The following BCL11B variants were observed in gnomAD, a reference collection of about 807,000 sequenced individuals.
BCL11B encodes the protein BCL11 transcription factor B.
A neutral mutation model predicts 49.9 loss-of-function variants in BCL11B; 8 were observed. The observed-to-expected ratio is 0.16, with a 90% CI of 0.09 to 0.29. The LOEUF is 0.29. Among genes scored for constraint, BCL11B ranks in the 10% least tolerant of loss-of-function variants. BCL11B has a pLI of 1.00. For synonymous variants in BCL11B, 739 were observed against 637.4 expected (o/e 1.16, Z -2.40); for missense variants, 1,006 against 1,351.0 (o/e 0.74, Z 4.00).
intron 2 of BCL11B, among the ~76,000 whole-genome samples, chr14:99,244,843 G>C (rs1490287902): frequency 6.6e-6 from 1 of 152,164 alleles, no homozygotes; most frequent in Non-Finnish European, 1.5e-5. Flanking sequence ...TGAGAGCCCA[G>C]CAAGTGTAAC....
In BCL11B at chr14:99,172,132, T is replaced by C; in HGVS notation, c.*2019A>G. On this transcript the variant is annotated 3_prime_UTR_variant, in exon 4 of 4. Transcript: ENST00000357195. The stretch of plus-strand genomic sequence containing the variant: ...CTGTAAACGTATTTTTAAGACAGAG[T>C]GCACTAAATTTAACTTTAGAAAAAA... 1 of 221,870 alleles carries C rather than the reference T, an allele frequency of 4.5e-6. No homozygotes were observed. Among genetic ancestry groups the C allele is most frequent in the Non-Finnish European group, 9.0e-6 (1 of 110,724 alleles). 13.7% of individuals were successfully genotyped at this position (221,870 alleles called of 1,614,324 possible).
At chr14:99,186,786 C>T (rs10484068) in intron 3 of BCL11B, among the ~76,000 whole-genome samples, 8,494 of 152,296 alleles carry the variant, frequency 0.056, 301 homozygotes, top group Non-Finnish European at 0.076. Context: ...AAGTCAAGAA[C>T]TGTTCAGTAT....
chr14:99,207,701 C>T (rs930781979), intron 3 of BCL11B, among the ~76,000 whole-genome samples: 1 of 152,200 alleles, frequency 6.6e-6, no homozygotes, highest in African/African-American at 2.4e-5. Context: ...GAGCTTTTCC[C>T]GGAGAGTAAA....
chr14:99,199,685 C>CGCGT (rs146474716), intron 3 of BCL11B, among the ~76,000 whole-genome samples: 2,234 of 58,900 alleles, frequency 0.038, 76 homozygotes, highest in African/African-American at 0.077. Context: ...TGTGTGTGTG[C>CGCGT]GCGCGCGCGC....
chr14:99,226,094 C>T (rs1441866838), intron 3 of BCL11B, among the ~76,000 whole-genome samples: 2 of 152,244 alleles, frequency 1.3e-5, no homozygotes, highest in East Asian at 1.9e-4. Context: ...ACTGTGAAGG[C>T]TGGGTTGCAG....
intron 2 of BCL11B, among the ~76,000 whole-genome samples, chr14:99,233,199 A>C (rs1395425574): frequency 6.6e-6 from 1 of 152,152 alleles, no homozygotes; most frequent in Non-Finnish European, 1.5e-5. Flanking sequence ...GATCCTGTCC[A>C]CTGGTGGTCT....
In BCL11B at chr14:99,173,468, T is replaced by G; in HGVS notation, c.*683A>C. ...CTCGGGACGACATGAGTGCTACATC[T>G]CCATTCCAGTTCTGAAACAAAGTGC... On this transcript the variant is annotated 3_prime_UTR_variant, in exon 4 of 4. Coordinates refer to ENST00000357195, the MANE Select transcript of BCL11B (RefSeq NM_138576.4). 4.6e-6 allele frequency: 1 copy of G among 215,512 alleles called. No homozygotes were observed. Among genetic ancestry groups the G allele is most frequent in the Non-Finnish European group, 9.3e-6 (1 of 107,126 alleles). The allele number at this position is 215,512 out of a possible 1,614,324, so 13.3% of individuals were successfully genotyped here.
Position 99,173,802 on chromosome 14 carries a change from G to A in BCL11B, c.*349C>T, listed in dbSNP as rs1239182326. ...CGAGTCATTGCTCAGGCTACTACCG[G>A]GTTAAAAAAAAAACAAAGAAGGGAT... On this transcript the variant is annotated 3_prime_UTR_variant, in exon 4 of 4. Coordinates refer to ENST00000357195, the MANE Select transcript of BCL11B (RefSeq NM_138576.4). 6.1e-6 allele frequency: 2 copies of A among 328,564 alleles called. No homozygotes were observed. Among genetic ancestry groups the A allele is most frequent in the Admixed American group, 4.6e-5 (1 of 21,738 alleles). The allele number at this position is 328,564 out of a possible 1,614,324, so 20.4% of individuals were successfully genotyped here.
chr14:99,233,542 G>A (rs984334838), intron 2 of BCL11B, among the ~76,000 whole-genome samples: 7 of 152,292 alleles, frequency 4.6e-5, no homozygotes, highest in African/African-American at 7.2e-5. Flanking sequence ...GTGAGGCCAC[G>A]ACACAGCCAG....
rs1456085197 is a variant in BCL11B, at chr14:99,213,281, G to A, written c.640+18064C>T. The stretch of plus-strand genomic sequence containing the variant: ...TGTGCCAGCACAAAAGAGGATGAAG[G>A]CCCCGAGCTGCTCCCTCTCAAGTGC... On this transcript the variant is annotated intron_variant, in intron 3 of 3. Coordinates refer to ENST00000357195, the MANE Select transcript of BCL11B (RefSeq NM_138576.4). The surrounding 1 kb of genome is among the most constrained non-coding windows in gnomAD (Gnocchi z 5.1). Among the ~76,000 whole-genome samples the A allele has an allele frequency of 6.6e-6, 1 of 152,170 alleles. No homozygotes were observed. Among genetic ancestry groups the A allele is most frequent in the Non-Finnish European group, 1.5e-5 (1 of 68,026 alleles).
At chr14:99,222,917 T>C (rs1456164730) in intron 3 of BCL11B, among the ~76,000 whole-genome samples, 2 of 152,112 alleles carry the variant, frequency 1.3e-5, no homozygotes. Flanking sequence ...TTCTGTCTGC[T>C]ACAAGTAAAC....
chr14:99,237,656 T>C (rs1474419010), intron 2 of BCL11B, among the ~76,000 whole-genome samples: 5 of 152,132 alleles, frequency 3.3e-5, no homozygotes, highest in Non-Finnish European at 5.9e-5. Context: ...GTAGGTGTCC[T>C]TGGAAAGAAG....
chr14:99,173,778 G>A lies in BCL11B; in HGVS notation c.*373C>T, dbSNP rs1378853347. 5 of 266,024 alleles carry A rather than the reference G, an allele frequency of 1.9e-5. No individual in the cohort carries two copies. The highest frequency in any genetic ancestry group is 3.6e-5 in the Non-Finnish European group (5 of 139,086). The allele number at this position is 266,024 out of a possible 1,614,324, so 16.5% of individuals were successfully genotyped here. ...ATGCTTCCCCTCTAACATTGCTTGCGAGTCATTGCTCAGGCTACTACCGGG... is the reference window on the plus strand; with the variant it reads ...ATGCTTCCCCTCTAACATTGCTTGCAAGTCATTGCTCAGGCTACTACCGGG... On this transcript the variant is annotated 3_prime_UTR_variant, in exon 4 of 4. Transcript: ENST00000357195.
chr14:99,231,329 CG>C lies in BCL11B; in HGVS notation c.640+15del, dbSNP rs777855311. The C allele has an allele frequency of 1.2e-6, 2 of 1,607,076 alleles. No homozygotes were observed. Among genetic ancestry groups the C allele is most frequent in the Non-Finnish European group, 1.7e-6 (2 of 1,177,672 alleles). Reference sequence around the variant, plus strand: ...CATCCCGGGGGCCCGCCCCCCACCGCGGCGTCGTCTGTTACCTGACAACTGA... The same window carrying C: ...CATCCCGGGGGCCCGCCCCCCACCGCGCGTCGTCTGTTACCTGACAACTGA... On this transcript the variant is annotated intron_variant, in intron 3 of 3. Transcript: ENST00000357195. This position sits in a 1 kb window ranked among gnomAD's most constrained non-coding sequence, Gnocchi z 8.1.
At chr14:99,223,699 G>C (rs1445260565) in intron 3 of BCL11B, among the ~76,000 whole-genome samples, 1 of 152,182 alleles carries the variant, frequency 6.6e-6, no homozygotes, top group Non-Finnish European at 1.5e-5. Flanking sequence ...GATAAAATGA[G>C]AGTCAAAAAC....
intron 2 of BCL11B, among the ~76,000 whole-genome samples, chr14:99,237,353 G>A (rs1411772380): frequency 6.6e-6 from 1 of 151,738 alleles, no homozygotes; most frequent in African/African-American, 2.4e-5. Flanking sequence ...AGCAGAAAGG[G>A]AAAGCAAAGC....
Position 99,174,119 on chromosome 14 carries a change from T to C in BCL11B, c.*32A>G. ...TTCTCTCGGTTGGCAACGGTTCCACTGTACAGGTGCGGGGCGCCGGGGCCC... is the reference window on the plus strand; with the variant it reads ...TTCTCTCGGTTGGCAACGGTTCCACCGTACAGGTGCGGGGCGCCGGGGCCC... On this transcript the variant is annotated 3_prime_UTR_variant, in exon 4 of 4. Coordinates refer to ENST00000357195, the MANE Select transcript of BCL11B (RefSeq NM_138576.4). 2 of 1,597,932 alleles carry C rather than the reference T, an allele frequency of 1.3e-6. No homozygotes were observed. The highest frequency in any genetic ancestry group is 1.7e-6 in the Non-Finnish European group (2 of 1,173,780).
intron 2 of BCL11B, among the ~76,000 whole-genome samples, chr14:99,251,825 CCAGA>C (rs1237811270): frequency 1.3e-5 from 2 of 152,120 alleles, no homozygotes; most frequent in Non-Finnish European, 2.9e-5. Flanking sequence ...GCCCCACCAG[CCAGA>C]CAGACAGAGT....
At chr14:99,239,222 A>G (rs1888593539) in intron 2 of BCL11B, among the ~76,000 whole-genome samples, 1 of 152,198 alleles carries the variant, frequency 6.6e-6, no homozygotes, top group Non-Finnish European at 1.5e-5. Flanking sequence ...TTCAACCTTC[A>G]GCAGTCTCTG....
Sources: allele counts gnomAD v4.1 joint callset (sites outside exome capture counted in the v4.1 genomes callset), GRCh38; gene constraint gnomAD v4.1.1; non-coding constraint Gnocchi (gnomAD v3.1); transcripts MANE v1.5; gene names NCBI Gene and HGNC (gene_info 2026-07-23, HGNC 2026-07-21).